Variants in GLCCI1 observed in about 807,000 individuals in gnomAD.
The protein encoded by GLCCI1 is glucocorticoid induced 1.
A neutral mutation model predicts 52.2 loss-of-function variants in GLCCI1; 24 were observed. The observed-to-expected ratio is 0.46, with a 90% CI of 0.33 to 0.65. GLCCI1 has a LOEUF of 0.65. Among genes scored for constraint, GLCCI1 ranks in the 30% least tolerant of loss-of-function variants. The pLI is 0.02. For synonymous variants in GLCCI1, 310 were observed against 276.5 expected (o/e 1.12, Z -1.20); for missense variants, 704 against 701.5 (o/e 1.00, Z -0.04).
At chr7:8,065,715 T>C (rs1160243790) in intron 5 of GLCCI1, among the ~76,000 whole-genome samples, 1 of 152,262 alleles carries the variant, frequency 6.6e-6, no homozygotes, top group Non-Finnish European at 1.5e-5. Context: ...GATATGCATA[T>C]GTTGAACCAA....
rs192577936 is a variant in GLCCI1 at position 8,075,750 on chromosome 7, G to A, written c.1177+4619G>A. Among the ~76,000 whole-genome samples, 58 of 152,294 alleles carry A rather than the reference G, an allele frequency of 3.8e-4. No homozygotes were observed. In the South Asian group the frequency reaches 6.4e-3, roughly 17 times the overall value. On this transcript the variant is annotated intron_variant, in intron 6 of 7. Transcript: ENST00000223145. Reference sequence around the variant, plus strand: ...TTGTAATCATGAAATAAATGGAATCGTTTGATTCAGGCCAACTACTGAGTA... The same window carrying A: ...TTGTAATCATGAAATAAATGGAATCATTTGATTCAGGCCAACTACTGAGTA...
At chr7:8,039,206 T>C (rs1781941984) in intron 3 of GLCCI1, among the ~76,000 whole-genome samples, 1 of 152,158 alleles carries the variant, frequency 6.6e-6, no homozygotes, top group Non-Finnish European at 1.5e-5. Context: ...CTCACAGAAC[T>C]AAAAATAGAA....
intron 3 of GLCCI1, among the ~76,000 whole-genome samples, chr7:8,036,740 T>C (rs1781876750): frequency 6.6e-6 from 1 of 152,142 alleles, no homozygotes; most frequent in Admixed American, 6.5e-5. Context: ...GAAAAATTCA[T>C]TGAATGAATT....
At chr7:7,980,913 A>T in intron 1 of GLCCI1, 1 of 612,394 alleles carries the variant, frequency 1.6e-6, no homozygotes, top group Non-Finnish European at 3.0e-6. Flanking sequence ...CTGATTTATT[A>T]ATCCCTGATC....
Position 7,969,122 on chromosome 7 carries a change from G to A in GLCCI1, c.-229G>A, listed in dbSNP as rs1780276384. 1 of 271,710 alleles carries A rather than the reference G, an allele frequency of 3.7e-6. No individual in the cohort carries two copies. The highest frequency in any genetic ancestry group is 6.3e-6 in the Non-Finnish European group (1 of 159,374). 16.8% of individuals were successfully genotyped at this position (271,710 alleles called of 1,614,324 possible). On this transcript the variant is annotated 5_prime_UTR_variant, in exon 1 of 8. Transcript: ENST00000223145. This position sits in a 1 kb window ranked among gnomAD's most constrained non-coding sequence, Gnocchi z 4.9. ...CCGCCACACCGAGCCCAGCCGGGCGGTTGCGGCCGTTGGACGTTTGTTTTC... is the reference window on the plus strand; with the variant it reads ...CCGCCACACCGAGCCCAGCCGGGCGATTGCGGCCGTTGGACGTTTGTTTTC...
intron 1 of GLCCI1, among the ~76,000 whole-genome samples, chr7:7,976,682 C>T (rs1562413306): frequency 6.6e-6 from 1 of 151,472 alleles, no homozygotes; most frequent in Non-Finnish European, 1.5e-5. Flanking sequence ...GAAGCTGAGG[C>T]AGGCAGATGG....
intron 3 of GLCCI1, among the ~76,000 whole-genome samples, chr7:8,053,620 C>A (rs941832829): frequency 5.9e-5 from 9 of 151,882 alleles, no homozygotes; most frequent in Non-Finnish European, 1.3e-4. Context: ...CCACTGCACC[C>A]AGCTGACTTA....
At chr7:8,085,739 C>CT (rs58119578) in intron 7 of GLCCI1, among the ~76,000 whole-genome samples, 7 of 145,972 alleles carry the variant, frequency 4.8e-5, no homozygotes, top group Non-Finnish European at 1.1e-4. Context: ...CACTGAAACT[C>CT]CCCTCCCCAC....
intron 5 of GLCCI1, among the ~76,000 whole-genome samples, chr7:8,068,898 CTAAG>C (rs1198287848): frequency 1.3e-5 from 2 of 152,172 alleles, no homozygotes; most frequent in East Asian, 1.9e-4. Flanking sequence ...GGTTTATTAA[CTAAG>C]TATTTTCAGT....
At chr7:7,974,815 A>G (rs528137918) in intron 1 of GLCCI1, among the ~76,000 whole-genome samples, 2 of 152,178 alleles carry the variant, frequency 1.3e-5, no homozygotes, top group Non-Finnish European at 2.9e-5. Context: ...ACATTTCCAG[A>G]CACCACTAAG....
chr7:8,047,009 A>G (rs4725061), intron 3 of GLCCI1, among the ~76,000 whole-genome samples: 62,241 of 137,700 alleles, frequency 0.45, 12,999 homozygotes, highest in Middle Eastern at 0.56. Flanking sequence ...AGAGAGGGGG[A>G]AAAAAAAAAC....
Position 8,086,179 on chromosome 7 carries a change from T to TTTTA in GLCCI1, c.1299-12_1299-9dup. The TTTTA allele has an allele frequency of 1.9e-6, 3 of 1,574,506 alleles. No individual in the cohort carries two copies. The highest frequency in any genetic ancestry group is 2.6e-6 in the Non-Finnish European group (3 of 1,162,600). On this transcript the variant is annotated splice_polypyrimidine_tract_variant and intron_variant, in intron 7 of 7. Coordinates refer to ENST00000223145, the MANE Select transcript of GLCCI1 (RefSeq NM_138426.4). The surrounding 1 kb of genome is among the most constrained non-coding windows in gnomAD (Gnocchi z 4.4). Reference sequence around the variant, plus strand: ...GTTCATGATTATAAATCTAATTTTGTTTTATGGTTTTAGGTCTCGTCAGCC... The same window carrying TTTTA: ...GTTCATGATTATAAATCTAATTTTGTTTTATTTATGGTTTTAGGTCTCGTCAGCC...
intron 4 of GLCCI1, among the ~76,000 whole-genome samples, chr7:8,059,232 A>C (rs1490782142): frequency 6.6e-6 from 1 of 152,166 alleles, no homozygotes; most frequent in Admixed American, 6.5e-5. Flanking sequence ...AATATGAGAA[A>C]AGTTCATGCA....
At chr7:7,971,818 G>C (rs1164209602) in intron 1 of GLCCI1, among the ~76,000 whole-genome samples, 1 of 152,200 alleles carries the variant, frequency 6.6e-6, no homozygotes, top group African/African-American at 2.4e-5. Context: ...ACACTTTTCT[G>C]AGTCTGGTTG....
chr7:7,981,009 C>A, intron 1 of GLCCI1: 1 of 519,622 alleles, frequency 1.9e-6, no homozygotes, highest in Non-Finnish European at 3.6e-6. Flanking sequence ...GAAGGTCAGC[C>A]GAAGAAGTAG....
Position 7,969,345 on chromosome 7 carries a change from G to A in GLCCI1, c.-6G>A. On this transcript the variant is annotated 5_prime_UTR_variant, in exon 1 of 8. Coordinates refer to ENST00000223145, the MANE Select transcript of GLCCI1 (RefSeq NM_138426.4). This position sits in a 1 kb window ranked among gnomAD's most constrained non-coding sequence, Gnocchi z 4.9. Reference sequence around the variant, plus strand: ...GCCGGCGGCGTCCAGGGCCCGCAGAGCCACCATGTCCACTGCCTCCTCCTC... The same window carrying A: ...GCCGGCGGCGTCCAGGGCCCGCAGAACCACCATGTCCACTGCCTCCTCCTC... 1 of 1,478,832 alleles carries A rather than the reference G, an allele frequency of 6.8e-7. No individual in the cohort carries two copies. Among genetic ancestry groups the A allele is most frequent in the Non-Finnish European group, 9.0e-7 (1 of 1,115,858 alleles). 91.6% of individuals were successfully genotyped at this position (1,478,832 alleles called of 1,614,324 possible).
chr7:7,996,878 C>A (rs1780948614), intron 1 of GLCCI1, among the ~76,000 whole-genome samples: 1 of 152,194 alleles, frequency 6.6e-6, no homozygotes, highest in Non-Finnish European at 1.5e-5. Context: ...TCAGATTCTA[C>A]CCACACTGAG....
At chr7:8,006,559 A>T (rs759210442) in intron 2 of GLCCI1, among the ~76,000 whole-genome samples, 1 of 152,218 alleles carries the variant, frequency 6.6e-6, no homozygotes, top group Non-Finnish European at 1.5e-5. Context: ...GTATATGTAG[A>T]CATGCCCGCT....
intron 1 of GLCCI1, among the ~76,000 whole-genome samples, chr7:7,994,638 A>G (rs1159183167): frequency 1.3e-5 from 2 of 152,238 alleles, no homozygotes; most frequent in Non-Finnish European, 1.5e-5. Flanking sequence ...CCAACTCTTA[A>G]TACCATCAGA....
Sources: allele counts gnomAD v4.1 joint callset (sites outside exome capture counted in the v4.1 genomes callset), GRCh38; gene constraint gnomAD v4.1.1; non-coding constraint Gnocchi (gnomAD v3.1); transcripts MANE v1.5; gene names NCBI Gene and HGNC (gene_info 2026-07-23, HGNC 2026-07-21).